Variants in WWP2 observed in about 807,000 individuals in gnomAD.
WWP2 encodes WW domain containing E3 ubiquitin protein ligase 2.
Under a neutral mutation model 121.0 loss-of-function variants are expected in WWP2, and 57 were observed. The observed-to-expected ratio is 0.47, with a 90% CI of 0.38 to 0.59. The LOEUF (loss-of-function observed/expected upper bound fraction) is 0.59. Among genes scored for constraint, WWP2 ranks in the 20% least tolerant of loss-of-function variants. The pLI is 0.00. For synonymous variants in WWP2, 449 were observed against 441.3 expected (o/e 1.02, Z -0.22); for missense variants, 962 against 1,158.9 (o/e 0.83, Z 2.47).
intron 7 of WWP2, among the ~76,000 whole-genome samples, chr16:69,880,024 T>C (rs2057798917): frequency 6.6e-6 from 1 of 151,792 alleles, no homozygotes; most frequent in South Asian, 2.1e-4. Flanking sequence ...ACATTGGTTC[T>C]GCAGAGATAA....
intron 6 of WWP2, among the ~76,000 whole-genome samples, chr16:69,848,380 G>A (rs2057126079): frequency 6.6e-6 from 1 of 152,052 alleles, no homozygotes; most frequent in South Asian, 2.1e-4. Context: ...AATCTGGGAA[G>A]TGGAGGTTGT....
At position 69,937,618 on chromosome 16, in the gene WWP2, C is replaced by G. The variant is rs1335017877; in HGVS notation, c.2309C>G (p.Thr770Ser). 1 of 1,614,050 alleles carries G rather than the reference C, an allele frequency of 6.2e-7. No individual in the cohort carries two copies. The highest frequency in any genetic ancestry group is 2.2e-5 in the East Asian group (1 of 44,868). ...AAGAGCACCATCTACCGGCACTACA[C>G]CAAGAACAGCAAGCAGATCCAGTGG... ...WQKSTIYRHY[T>S]KNSKQIQWFW... The change falls in exon 21 of 24, where the codon ACC (threonine) becomes AGC (serine). Residue 770 changes from threonine (T) to serine (S), a missense_variant. Physicochemically the swap from Thr to Ser is moderately conservative, Grantham distance 58. Around this residue, in one of 3 missense-constraint regions of WWP2, gnomAD observed 606 missense variants for 772.6 expected, o/e 0.78. Coordinates refer to ENST00000359154, the MANE Select transcript of WWP2 (RefSeq NM_001270454.2). The surrounding 1 kb of genome is among the most constrained non-coding windows in gnomAD (Gnocchi z 6.6).
chr16:69,916,036 CAA>C (rs11337802), intron 9 of WWP2, among the ~76,000 whole-genome samples: 175 of 136,688 alleles, frequency 1.3e-3, no homozygotes, highest in Admixed American at 1.3e-3. Context: ...GAGACCCTGT[CAA>C]AAAAAAAAAA....
Position 69,917,821 on chromosome 16 carries a change from C to G in WWP2, c.1117C>G (p.Gln373Glu). The change falls in exon 10 of 24, where the codon CAG becomes GAG. Residue 373 changes from glutamine to glutamate, a missense_variant. Physicochemically the swap from Gln to Glu is conservative, Grantham distance 29. Transcript: ENST00000359154. ...GTACGTGCGCAACTATGAGCAGTGGCAGTCGCAGCGGAATCAGCTCCAGGG... is the reference window on the plus strand; with the variant it reads ...GTACGTGCGCAACTATGAGCAGTGGGAGTCGCAGCGGAATCAGCTCCAGGG... ...AEYVRNYEQW[Q>E]SQRNQLQGAM... is the part of the protein sequence containing the mutation. 1 of 1,614,050 alleles carries G rather than the reference C, an allele frequency of 6.2e-7. No individual in the cohort carries two copies. Among genetic ancestry groups the G allele is most frequent in the Non-Finnish European group, 8.5e-7 (1 of 1,179,868 alleles).
chr16:69,924,706 C>A (rs928198492), intron 10 of WWP2, among the ~76,000 whole-genome samples: 2 of 148,198 alleles, frequency 1.3e-5, no homozygotes, highest in Non-Finnish European at 3.0e-5. Context: ...CACCCCCCAC[C>A]CCCCCCACCC....
chr16:69,899,172 C>T (rs1567416325), intron 8 of WWP2, among the ~76,000 whole-genome samples: 1 of 152,080 alleles, frequency 6.6e-6, no homozygotes, highest in East Asian at 1.9e-4. Context: ...TTTCATGTGT[C>T]TTTTGTGTTT....
intron 1 of WWP2, among the ~76,000 whole-genome samples, chr16:69,783,648 A>G (rs2055712821): frequency 6.6e-6 from 1 of 152,126 alleles, no homozygotes; most frequent in Non-Finnish European, 1.5e-5. Context: ...ATGATGTTGA[A>G]TAGAACAGGA....
intron 4 of WWP2, among the ~76,000 whole-genome samples, chr16:69,812,467 A>AG (rs2056411447): frequency 9.8e-6 from 1 of 102,432 alleles, no homozygotes; most frequent in African/African-American, 4.5e-5. Flanking sequence ...GCCTGCCCCC[A>AG]ACCCCCCCCC....
Position 69,818,374 on chromosome 16 carries a change from A to AT in WWP2, c.340+19085dup, listed in dbSNP as rs752169608. On this transcript the variant is annotated intron_variant, in intron 4 of 23. Transcript: ENST00000359154. ...AGGCACCTGCCACCACGCCCAGCTA[A>AT]TTTTTTATTTTTAGTAGAGATGGGG... 2.1e-3 allele frequency among the ~76,000 whole-genome samples: 314 copies of AT among 151,696 alleles called. 1 individual carries two copies. Among genetic ancestry groups the AT allele is most frequent in the South Asian group, 6.3e-3 (30 of 4,790 alleles).
At chr16:69,839,888 C>A (rs1045849221) in intron 4 of WWP2, among the ~76,000 whole-genome samples, 3 of 152,084 alleles carry the variant, frequency 2.0e-5, no homozygotes, top group Admixed American at 2.0e-4. Flanking sequence ...TGGTGCTGAC[C>A]CAGTGATATG....
intron 4 of WWP2, among the ~76,000 whole-genome samples, chr16:69,835,373 A>G (rs533527174): frequency 2.0e-5 from 3 of 152,170 alleles, no homozygotes; most frequent in Non-Finnish European, 2.9e-5. Context: ...CCCATTATGT[A>G]TTATAGGGTT....
At chr16:69,811,692 T>A (rs2056395520) in intron 4 of WWP2, among the ~76,000 whole-genome samples, 1 of 152,174 alleles carries the variant, frequency 6.6e-6, no homozygotes, top group East Asian at 1.9e-4. Context: ...ACTTAGAGGC[T>A]GCAGTGAGCT....
chr16:69,871,711 G>T, intron 6 of WWP2, 93 bp from the exon 7 acceptor site: 4 of 1,539,664 alleles, frequency 2.6e-6, no homozygotes, highest in Non-Finnish European at 3.5e-6. Flanking sequence ...CCAATAAATG[G>T]CAGGAGAAGG....
At chr16:69,787,413 G>A (rs1324063977) in intron 2 of WWP2, among the ~76,000 whole-genome samples, 1 of 152,000 alleles carries the variant, frequency 6.6e-6, no homozygotes, top group African/African-American at 2.4e-5. Flanking sequence ...ACATAGGGAA[G>A]CCCTGTCTCT....
intron 4 of WWP2, among the ~76,000 whole-genome samples, chr16:69,813,236 C>T (rs1048392338): frequency 2.7e-5 from 4 of 149,882 alleles, no homozygotes; most frequent in African/African-American, 9.8e-5. Context: ...GATCTTCGCT[C>T]ACCGCAACCT....
intron 4 of WWP2, among the ~76,000 whole-genome samples, chr16:69,830,429 A>G (rs1281348259): frequency 6.6e-6 from 1 of 152,236 alleles, no homozygotes; most frequent in African/African-American, 2.4e-5. Context: ...AAACAGAGAA[A>G]AAGTTTGTAA....
rs1431061589 is a variant in WWP2, at chr16:69,930,111, T to C, written c.1317-19T>C. The C allele has an allele frequency of 6.2e-7, 1 of 1,613,608 alleles. No homozygotes were observed. Among genetic ancestry groups the C allele is most frequent in the African/African-American group, 1.3e-5 (1 of 74,908 alleles). On this transcript the variant is annotated intron_variant, in intron 12 of 23. Coordinates refer to ENST00000359154, the MANE Select transcript of WWP2 (RefSeq NM_001270454.2). Reference sequence around the variant, plus strand: ...GAAGGTGGGGCCAGCCCTTCACCCTTTTCTTCCCGTGTTTCCAGGATGATC... The same window carrying C: ...GAAGGTGGGGCCAGCCCTTCACCCTCTTCTTCCCGTGTTTCCAGGATGATC...
chr16:69,876,353 G>T (rs1288081917), intron 7 of WWP2, among the ~76,000 whole-genome samples: 38 of 147,236 alleles, frequency 2.6e-4, no homozygotes, highest in African/African-American at 9.4e-4. Context: ...TGTTTTTTGG[G>T]GTTTTTTTTT....
Position 69,939,383 on chromosome 16 carries a change from A to G in WWP2, c.2483A>G (p.Lys828Arg), listed in dbSNP as rs148043506. The G allele has an allele frequency of 9.3e-6, 15 of 1,614,160 alleles. No individual in the cohort carries two copies. In the African/African-American group the frequency reaches 1.9e-4, roughly 20 times the overall value. Reference sequence around the variant, plus strand: ...AAGTTTTGCATTGACAAAGTTGGCAAGGAAACCTGGCTGCCCAGAAGCCAC... The same window carrying G: ...AAGTTTTGCATTGACAAAGTTGGCAGGGAAACCTGGCTGCCCAGAAGCCAC... ...PQKFCIDKVG[K>R]ETWLPRSHTC... is the part of the protein sequence containing the mutation. The change falls in exon 23 of 24, where the codon AAG becomes AGG. Residue 828 changes from lysine to arginine, a missense_variant. Transcript: ENST00000359154.
Sources: allele counts gnomAD v4.1 joint callset (sites outside exome capture counted in the v4.1 genomes callset), GRCh38; gene constraint gnomAD v4.1.1; regional missense constraint gnomAD v4.1.1; non-coding constraint Gnocchi (gnomAD v3.1); transcripts MANE v1.5; gene names NCBI Gene and HGNC (gene_info 2026-07-23, HGNC 2026-07-21).